SNX16: variants seen among roughly 807,000 people sequenced by gnomAD.
SNX16 encodes the protein sorting nexin-16.
Under a neutral mutation model 36.7 loss-of-function variants are expected in SNX16, and 35 were observed. The ratio of observed to expected loss-of-function variants is 0.95; its 90% CI spans 0.73 to 1.27. SNX16 has a LOEUF of 1.27. SNX16 is among the 50% of genes most tolerant of loss of function. SNX16 has a pLI of 0.00. For missense variants in SNX16, 367 were observed against 393.6 expected (o/e 0.93, Z 0.57); for synonymous variants, 134 against 132.0 (o/e 1.02, Z -0.10).
intron 3 of SNX16, among the ~76,000 whole-genome samples, chr8:81,826,880 A>C (rs1293018184): frequency 1.3e-5 from 2 of 152,168 alleles, no homozygotes; most frequent in African/African-American, 4.8e-5. Flanking sequence ...TCTACATAAG[A>C]GTAACTCCAA....
intron 5 of SNX16, among the ~76,000 whole-genome samples, chr8:81,811,523 C>A (rs530207348): frequency 6.6e-6 from 1 of 152,124 alleles, no homozygotes; most frequent in Non-Finnish European, 1.5e-5. Context: ...CAACTGTTGA[C>A]TGAACATTAA....
intron 5 of SNX16, among the ~76,000 whole-genome samples, chr8:81,813,538 T>G (rs1241208470): frequency 2.6e-5 from 4 of 151,778 alleles, no homozygotes; most frequent in Non-Finnish European, 4.4e-5. Flanking sequence ...AAAGAGTTTT[T>G]ATAATACAAT....
At chr8:81,802,812 T>G (rs554510211) in intron 6 of SNX16, among the ~76,000 whole-genome samples, 11 of 151,796 alleles carry the variant, frequency 7.2e-5, no homozygotes, top group Non-Finnish European at 1.6e-4. Context: ...TAATAATGAT[T>G]ATTTATTTAA....
At chr8:81,833,400 A>T (rs1366991963) in intron 2 of SNX16, among the ~76,000 whole-genome samples, 1 of 87,074 alleles carries the variant, frequency 1.1e-5, no homozygotes, top group East Asian at 4.9e-4. Context: ...TTTGAAGTTT[A>T]AAAAAATAAA....
intron 2 of SNX16, among the ~76,000 whole-genome samples, chr8:81,830,461 C>T (rs1429957458): frequency 6.6e-6 from 1 of 151,416 alleles, no homozygotes; most frequent in Admixed American, 6.6e-5. Context: ...GTCCCAGTTA[C>T]TTGGGAGGCT....
chr8:81,840,131 G>A, intron 1 of SNX16, 49 bp from the exon 2 acceptor site: 1 of 882,124 alleles, frequency 1.1e-6, no homozygotes, highest in African/African-American at 1.7e-5. Flanking sequence ...ATGTGCAGCA[G>A]GATTCAAAAG....
chr8:81,823,415 A>C (rs1443780085), intron 4 of SNX16, among the ~76,000 whole-genome samples: 1 of 152,058 alleles, frequency 6.6e-6, no homozygotes, highest in East Asian at 1.9e-4. Context: ...CTTTGGAGAA[A>C]TATAAAGAAT....
chr8:81,810,268 T>TCC (rs1319222232), intron 5 of SNX16, among the ~76,000 whole-genome samples: 4 of 152,162 alleles, frequency 2.6e-5, no homozygotes, highest in Non-Finnish European at 5.9e-5. Flanking sequence ...TAATCTTAAT[T>TCC]CCCTCTTTTA....
chr8:81,834,987 A>C (rs1277060593), intron 2 of SNX16, among the ~76,000 whole-genome samples: 1 of 152,222 alleles, frequency 6.6e-6, no homozygotes, highest in Admixed American at 6.5e-5. Flanking sequence ...CCCTAGCAGC[A>C]GTTTTCCATG....
At chr8:81,824,106 G>A (rs951478297) in intron 3 of SNX16, among the ~76,000 whole-genome samples, 166 bp from the exon 4 acceptor site, 2 of 152,118 alleles carry the variant, frequency 1.3e-5, no homozygotes, top group Non-Finnish European at 2.9e-5. Context: ...TTTTCTACCA[G>A]CTGTGTATAC....
At chr8:81,813,361 A>T (rs2130647196) in intron 5 of SNX16, among the ~76,000 whole-genome samples, 1 of 152,040 alleles carries the variant, frequency 6.6e-6, no homozygotes, top group East Asian at 1.9e-4. Flanking sequence ...CAACATAATT[A>T]AACAAAACGA....
chr8:81,810,755 G>A (rs1810201012), intron 5 of SNX16, among the ~76,000 whole-genome samples: 1 of 152,052 alleles, frequency 6.6e-6, no homozygotes, highest in African/African-American at 2.4e-5. Context: ...GTCATGAGTG[G>A]GTATGCTATT....
chr8:81,831,807 C>T (rs1319558768), intron 2 of SNX16, among the ~76,000 whole-genome samples: 1 of 149,694 alleles, frequency 6.7e-6, no homozygotes, highest in Non-Finnish European at 1.5e-5. Flanking sequence ...AGCTAAGAAA[C>T]ATAAAAAAAA....
At position 81,814,557 on chromosome 8, in the gene SNX16, T is replaced by C. The variant is rs148747566; in HGVS notation, c.681+768A>G. 11 of 152,180 alleles carry C rather than the reference T, an allele frequency of 7.2e-5. No homozygotes were observed. In the East Asian group the frequency reaches 2.1e-3, roughly 29 times the overall value. 9.4% of individuals were successfully genotyped at this position (152,180 alleles called of 1,614,324 possible). A position where few individuals can be genotyped will look rare whatever the true frequency, so the allele number is the denominator to read the frequency against. On this transcript the variant is annotated intron_variant, in intron 5 of 7. Coordinates refer to ENST00000345957, the MANE Select transcript of SNX16 (RefSeq NM_152836.3). ...TTCTAAAATTGGGTTACAGTGATGA[T>C]GGTAACTGCTCTATAAATTTCCAAA... is the stretch of plus-strand genomic sequence containing the variant.
At chr8:81,805,872 A>G (rs7846521) in intron 5 of SNX16, among the ~76,000 whole-genome samples, 100,965 of 151,920 alleles carry the variant, frequency 0.66, 33,922 homozygotes, top group South Asian at 0.69. Context: ...AGCAAGCCGA[A>G]ATAGCGCCAC....
intron 4 of SNX16, among the ~76,000 whole-genome samples, chr8:81,822,208 C>A (rs1313876155): frequency 6.6e-6 from 1 of 151,830 alleles, no homozygotes; most frequent in Non-Finnish European, 1.5e-5. Context: ...AGTTACCTAA[C>A]GAAGTGCAGT....
chr8:81,806,969 A>T (rs529998874), intron 5 of SNX16, among the ~76,000 whole-genome samples: 438 of 152,130 alleles, frequency 2.9e-3, no homozygotes, highest in South Asian at 3.9e-3. Context: ...AACCCTCCAT[A>T]TGCAAAGATC....
At chr8:81,831,168 G>T (rs1353875546) in intron 2 of SNX16, among the ~76,000 whole-genome samples, 1 of 152,178 alleles carries the variant, frequency 6.6e-6, no homozygotes. Context: ...AGTCCCAGAA[G>T]AAAACCTATG....
chr8:81,824,495 C>T (rs1358009418), intron 3 of SNX16, among the ~76,000 whole-genome samples: 1 of 151,810 alleles, frequency 6.6e-6, no homozygotes, highest in Non-Finnish European at 1.5e-5. Context: ...TTTAATTCAT[C>T]CATTGTTTCT....
Sources: allele counts gnomAD v4.1 joint callset (sites outside exome capture counted in the v4.1 genomes callset), GRCh38; gene constraint gnomAD v4.1.1; transcripts MANE v1.5; gene names NCBI Gene and HGNC (gene_info 2026-07-23, HGNC 2026-07-21).